The following HEATR1 variants were observed in gnomAD, a reference collection of about 807,000 sequenced individuals.
HEATR1 encodes HEAT repeat-containing protein 1.
In HEATR1, 77 loss-of-function variants were observed where a neutral mutation model predicts 248.2. The ratio of observed to expected loss-of-function variants is 0.31; its 90% CI spans 0.26 to 0.37. The LOEUF (loss-of-function observed/expected upper bound fraction) is 0.37. HEATR1 is among the 10% of genes least tolerant of loss of function. The pLI is 1.00. For synonymous variants in HEATR1, 897 were observed against 923.1 expected (o/e 0.97, Z 0.51); for missense variants, 2,420 against 2,504.9 (o/e 0.97, Z 0.72).
Position 236,585,205 on chromosome 1 carries a change from T to C in HEATR1, c.2061A>G (p.Leu687=), listed in dbSNP as rs1006456. 1,068,142 of 1,604,610 alleles carry C rather than the reference T, an allele frequency of 0.67. 362,401 individuals carry two copies. Among genetic ancestry groups the C allele is most frequent in the Non-Finnish European group, 0.7 (823,438 of 1,176,616 alleles). ...AGGACTCCTCCTCACCCACGCTTAT[T>C]AAATCCTCCACCTTGAAAAATAAAC... ...PSSMLKMVED[L]ISVGEEESFN... The change falls in exon 17 of 45, where the codon TTA becomes TTG. Residue 687 remains leucine, a synonymous_variant. Coordinates refer to ENST00000366582, the MANE Select transcript of HEATR1 (RefSeq NM_018072.6).
chr1:236,563,430 C>T (rs964627824), intron 32 of HEATR1, among the ~76,000 whole-genome samples: 2 of 151,960 alleles, frequency 1.3e-5, no homozygotes, highest in Admixed American at 6.6e-5. Flanking sequence ...TACAGGCGCC[C>T]ACCACCACGC....
intron 4 of HEATR1, 41 bp downstream of exon 4, chr1:236,599,442 A>G: frequency 6.5e-7 from 1 of 1,532,010 alleles, no homozygotes; most frequent in Non-Finnish European, 8.9e-7. Flanking sequence ...CTTAATCAAG[A>G]TCTGTAATGA....
At chr1:236,600,118 ATTTTTTTTTTTTTTT>A (rs67344658) in intron 3 of HEATR1, among the ~76,000 whole-genome samples, 1 of 50,286 alleles carries the variant, frequency 2.0e-5, no homozygotes, top group Non-Finnish European at 3.4e-5. Flanking sequence ...GTCTGTCAAC[ATTTTTTTTTTTTTTT>A]TTTTTTTTTT....
In HEATR1 at chr1:236,587,409, C is replaced by A; in HGVS notation, c.1708G>T (p.Gly570Ter). 6.7e-7 allele frequency: 1 copy of A among 1,489,100 alleles called. No homozygotes were observed. The highest frequency in any genetic ancestry group is 9.1e-7 in the Non-Finnish European group (1 of 1,093,142). The allele number at this position is 1,489,100 out of a possible 1,614,324, so 92.2% of individuals were successfully genotyped here. The change falls in exon 14 of 45, where the codon GGA (glycine) becomes TGA (stop). Residue 570 changes from glycine to a stop codon, truncating the protein, a stop_gained. Transcript: ENST00000366582. LOFTEE classifies it high-confidence loss of function. The stretch of plus-strand genomic sequence containing the variant: ...GGAGAAATGAATACATACCATTCTC[C>A]ATTCTTTGAAAGTTCTGCTCTTTGA... Reference protein sequence around the residue: ...LFQRAELSKNGEWYEVLKIAA... With the variant: ...LFQRAELSKN
intron 19 of HEATR1, among the ~76,000 whole-genome samples, chr1:236,581,714 A>G (rs1272824081): frequency 6.6e-6 from 1 of 152,156 alleles, no homozygotes; most frequent in Non-Finnish European, 1.5e-5. Flanking sequence ...AGCAATGCCA[A>G]CTCCATGTCA....
intron 2 of HEATR1, 136 bp downstream of exon 2, chr1:236,603,818 A>G: frequency 1.1e-6 from 1 of 944,140 alleles, no homozygotes; most frequent in Non-Finnish European, 1.6e-6. Context: ...CTTTCCCTTA[A>G]AAATATACAT....
chr1:236,555,739 T>G, intron 39 of HEATR1, 66 bp downstream of exon 39: 1 of 1,608,154 alleles, frequency 6.2e-7, no homozygotes, highest in South Asian at 1.1e-5. Context: ...CACGGCTAGA[T>G]TGTTCTCGGA....
rs538254124 is a variant in HEATR1 at position 236,570,032 on chromosome 1, T to C, written c.3949-908A>G. Among the ~76,000 whole-genome samples, 6 of 152,294 alleles carry C rather than the reference T, an allele frequency of 3.9e-5. No individual in the cohort carries two copies. The East Asian group carries it at 1.2e-3, about 29-fold the overall frequency. ...AGCCGGGCACGGTGGCTCACGCCTG[T>C]AGTTCCAGCACTTTGGGAGGCCGAG... On this transcript the variant is annotated intron_variant, in intron 28 of 44. Transcript: ENST00000366582.
chr1:236,571,012 T>C (rs1402013418), intron 28 of HEATR1, among the ~76,000 whole-genome samples: 1 of 152,250 alleles, frequency 6.6e-6, no homozygotes, highest in Non-Finnish European at 1.5e-5. Flanking sequence ...AAATGAGATA[T>C]TAACTTTTCC....
rs757776342 is a variant in HEATR1 at position 236,555,601 on chromosome 1, C to T, written c.5704G>A (p.Ala1902Thr). Residue 1902 changes from alanine (A) to threonine (T), a missense_variant, in exon 40 of 45, where the codon GCC becomes ACC. Physicochemically the swap from Ala to Thr is moderately conservative, Grantham distance 58 (BLOSUM62 0). Transcript: ENST00000366582. ...ACCTCGGAAAGTTTGACAACCATGG[C>T]TACTAGACAGTCAATGATACAATTT... ...TENCIIDCLV[A>T]MVVKLSEVTF... 1 of 1,614,222 alleles carries T rather than the reference C, an allele frequency of 6.2e-7. No individual in the cohort carries two copies. The highest frequency in any genetic ancestry group is 2.2e-5 in the East Asian group (1 of 44,888).
chr1:236,595,476 T>C lies in HEATR1; in HGVS notation c.1090+64A>G, dbSNP rs999348767. 2.3e-6 allele frequency: 3 copies of C among 1,321,662 alleles called. No individual in the cohort carries two copies. In the African/African-American group the frequency reaches 4.5e-5, roughly 20 times the overall value. 81.9% of individuals were successfully genotyped at this position (1,321,662 alleles called of 1,614,324 possible). ...AATATTTTGAAGCTGTTAACCAGGA[T>C]ATGGTTACTATTTTAAGATCAAATC... On this transcript the variant is annotated intron_variant, in intron 8 of 44. Transcript: ENST00000366582.
At chr1:236,593,546 G>A (rs1469118724) in intron 9 of HEATR1, among the ~76,000 whole-genome samples, 2 of 124,098 alleles carry the variant, frequency 1.6e-5, no homozygotes, top group African/African-American at 6.3e-5. Context: ...TGACCACAAC[G>A]CCTACATCTT....
At chr1:236,591,276 G>A (rs1664031288) in intron 11 of HEATR1, among the ~76,000 whole-genome samples, 1 of 152,016 alleles carries the variant, frequency 6.6e-6, no homozygotes, top group Admixed American at 6.6e-5. Context: ...CCCTGTTTTA[G>A]CACCTTCCAG....
At position 236,556,379 on chromosome 1, in the gene HEATR1, A is replaced by G. The variant is rs1662977135; in HGVS notation, c.5356-121T>C. On this transcript the variant is annotated intron_variant, in intron 37 of 44. Coordinates refer to ENST00000366582, the MANE Select transcript of HEATR1 (RefSeq NM_018072.6). Reference sequence around the variant, plus strand: ...GGAAAATGCTTAGCACTTTTTAACTACACACAGAATTCCTTTTAAAGTCAG... The same window carrying G: ...GGAAAATGCTTAGCACTTTTTAACTGCACACAGAATTCCTTTTAAAGTCAG... 3.0e-5 allele frequency: 31 copies of G among 1,020,072 alleles called. No individual in the cohort carries two copies. In the East Asian group the frequency reaches 7.8e-4, roughly 26 times the overall value. The allele number at this position is 1,020,072 out of a possible 1,614,324, so 63.2% of individuals were successfully genotyped here.
Position 236,557,293 on chromosome 1 carries a change from T to C in HEATR1, c.5257A>G (p.Ser1753Gly). The change falls in exon 37 of 45, where the codon AGC (serine) becomes GGC (glycine). Residue 1753 changes from serine to glycine, a missense_variant. Physicochemically the swap from Ser to Gly is moderately conservative, Grantham distance 56. Coordinates refer to ENST00000366582, the MANE Select transcript of HEATR1 (RefSeq NM_018072.6). ...TMKNTSELVS[S>G]EVYLLSALAA... Reference sequence around the variant, plus strand: ...AAGGCACTGAGCAGGTAGACCTCGCTGGAGACCAGCTCGCTGGTGTTCTTC... The same window carrying C: ...AAGGCACTGAGCAGGTAGACCTCGCCGGAGACCAGCTCGCTGGTGTTCTTC... The C allele has an allele frequency of 5.6e-6, 9 of 1,614,182 alleles. No homozygotes were observed. Among genetic ancestry groups the C allele is most frequent in the Non-Finnish European group, 7.6e-6 (9 of 1,180,018 alleles).
rs777875940 is a variant in HEATR1 at position 236,550,899 on chromosome 1, G to A, written c.*3C>T. 44 of 1,589,300 alleles carry A rather than the reference G, an allele frequency of 2.8e-5. No homozygotes were observed. The highest frequency in any genetic ancestry group is 3.7e-5 in the Non-Finnish European group (43 of 1,170,288). The stretch of plus-strand genomic sequence containing the variant: ...AGTAGAGTATGAAACACCACAGAAA[G>A]TCTTAGAAATAGCTCTGGAGTGGCT... On this transcript the variant is annotated 3_prime_UTR_variant, in exon 45 of 45. Coordinates refer to ENST00000366582, the MANE Select transcript of HEATR1 (RefSeq NM_018072.6).
At chr1:236,587,886 A>T in intron 13 of HEATR1, 62 bp downstream of exon 13, 1 of 1,143,292 alleles carries the variant, frequency 8.7e-7, no homozygotes, top group Non-Finnish European at 1.3e-6. Flanking sequence ...GCAGAGAATC[A>T]AGTGAGAAGG....
chr1:236,586,822 C>T (rs16833998), intron 14 of HEATR1, among the ~76,000 whole-genome samples: 7,087 of 151,682 alleles, frequency 0.047, 536 homozygotes, highest in African/African-American at 0.15. Flanking sequence ...TCAACTCTAC[C>T]GGAAATCAGG....
At chr1:236,597,777 C>T in intron 5 of HEATR1, 101 bp downstream of exon 5, 1 of 690,366 alleles carries the variant, frequency 1.4e-6, no homozygotes, top group Non-Finnish European at 2.4e-6. Flanking sequence ...ATAAATTTAT[C>T]CAAAGTATCA....
Sources: allele counts gnomAD v4.1 joint callset (sites outside exome capture counted in the v4.1 genomes callset), GRCh38; gene constraint gnomAD v4.1.1; transcripts MANE v1.5; gene names NCBI Gene and HGNC (gene_info 2026-07-23, HGNC 2026-07-21).